ATP9B: variants seen among roughly 807,000 people sequenced by gnomAD.
ATP9B encodes ATPase phospholipid transporting 9B, also known as probable phospholipid-transporting ATPase IIB.
A neutral mutation model predicts 146.1 loss-of-function variants in ATP9B; 110 were observed. That is an observed-to-expected ratio of 0.75 (90% CI 0.65 to 0.88). ATP9B has a LOEUF of 0.88. Among genes scored for constraint, ATP9B ranks in the 40% least tolerant of loss-of-function variants. ATP9B has a pLI of 0.00. For synonymous variants in ATP9B, 604 were observed against 569.7 expected (o/e 1.06, Z -0.86); for missense variants, 1,499 against 1,496.4 (o/e 1.00, Z -0.03).
chr18:79,154,402 A>AT, intron 6 of ATP9B, 102 bp from the exon 7 acceptor site: 1 of 768,644 alleles, frequency 1.3e-6, no homozygotes, highest in Non-Finnish European at 2.1e-6. Flanking sequence ...TTTTAATTAT[A>AT]TTATCTTAGT....
At chr18:79,277,981 G>T (rs1568558763) in intron 13 of ATP9B, among the ~76,000 whole-genome samples, 1 of 152,156 alleles carries the variant, frequency 6.6e-6, no homozygotes, top group Non-Finnish European at 1.5e-5. Context: ...AGAGAAATCT[G>T]CAAACAAGAC....
chr18:79,190,949 T>C (rs2095360868), intron 8 of ATP9B, among the ~76,000 whole-genome samples: 1 of 152,206 alleles, frequency 6.6e-6, no homozygotes, highest in Non-Finnish European at 1.5e-5. Context: ...TACCATTCCT[T>C]CTTGAAGATA....
chr18:79,198,557 C>G (rs757313834), intron 9 of ATP9B, among the ~76,000 whole-genome samples: 2 of 149,930 alleles, frequency 1.3e-5, no homozygotes, highest in Non-Finnish European at 3.0e-5. Flanking sequence ...TGCACTTACA[C>G]AAACCTAGAT....
At chr18:79,115,142 C>G in intron 4 of ATP9B, 1 of 143,128 alleles carries the variant, frequency 7.0e-6, no homozygotes, top group South Asian at 2.4e-4. Context: ...AAACAGAGAG[C>G]CAAATCATGA....
intron 1 of ATP9B, among the ~76,000 whole-genome samples, chr18:79,093,002 G>A (rs535129775): frequency 1.3e-5 from 2 of 152,214 alleles, no homozygotes; most frequent in South Asian, 4.1e-4. Context: ...TTATATGAAT[G>A]ACTGGTAGCA....
chr18:79,300,754 C>A (rs1187353495), intron 13 of ATP9B, among the ~76,000 whole-genome samples: 2 of 152,226 alleles, frequency 1.3e-5, no homozygotes, highest in African/African-American at 4.8e-5. Flanking sequence ...TCTTTGCATA[C>A]TTGCACAGTC....
At chr18:79,213,859 A>G in intron 10 of ATP9B, 103 bp from the exon 11 acceptor site, 1 of 828,600 alleles carries the variant, frequency 1.2e-6, no homozygotes, top group Non-Finnish European at 1.8e-6. Context: ...ATATAAAATC[A>G]AATAGTGTGA....
intron 2 of ATP9B, among the ~76,000 whole-genome samples, chr18:79,107,353 A>G (rs472979): frequency 0.061 from 9,255 of 152,192 alleles, 364 homozygotes; most frequent in Non-Finnish European, 0.092. Context: ...GTTTTATTTA[A>G]TTTTAATTAA....
intron 11 of ATP9B, among the ~76,000 whole-genome samples, chr18:79,216,096 T>C (rs2095624903): frequency 6.6e-6 from 1 of 152,232 alleles, no homozygotes; most frequent in Non-Finnish European, 1.5e-5. Context: ...TAAATATGAA[T>C]TTAAAATCTT....
chr18:79,231,275 A>G (rs968554614), intron 11 of ATP9B, among the ~76,000 whole-genome samples: 5 of 152,354 alleles, frequency 3.3e-5, no homozygotes, highest in African/African-American at 1.2e-4. Context: ...TTCAGAATCT[A>G]CAAGGAACAC....
At chr18:79,304,989 G>T (rs2096612770) in intron 14 of ATP9B, among the ~76,000 whole-genome samples, 1 of 152,146 alleles carries the variant, frequency 6.6e-6, no homozygotes, top group Admixed American at 6.5e-5. Context: ...TGGGGGGTGT[G>T]ACAGTTCCCA....
Position 79,347,884 on chromosome 18 carries a change from C to G in ATP9B, c.2797C>G (p.Gln933Glu), listed in dbSNP as rs1228772255. The part of the protein sequence containing the change: ...NSYKRSAALG[Q>E]FVMHRGLIIS... ...CTACAAGAGGTCGGCGGCACTCGGC[C>G]AGTTCGTCATGCACAGGGGCCTTAT... The change falls in exon 24 of 30, where the codon CAG becomes GAG. Residue 933 changes from glutamine (Q) to glutamate (E), a missense_variant. Coordinates refer to ENST00000426216, the MANE Select transcript of ATP9B (RefSeq NM_198531.5). 3.1e-6 allele frequency: 5 copies of G among 1,613,860 alleles called. No individual in the cohort carries two copies. The highest frequency in any genetic ancestry group is 4.2e-6 in the Non-Finnish European group (5 of 1,179,904).
intron 11 of ATP9B, among the ~76,000 whole-genome samples, chr18:79,215,017 G>A (rs1051356428): frequency 4.0e-5 from 6 of 151,814 alleles, no homozygotes; most frequent in East Asian, 1.9e-4. Flanking sequence ...GCATGATGAC[G>A]GGTGCCTGTA....
chr18:79,191,719 A>G lies in ATP9B; in HGVS notation c.874-1464A>G, dbSNP rs144076126. ...TCCTACTTGCTTACTCGTTAGGAGC[A>G]TGTTTTTCTTTAAGATGTGCTAAAG... On this transcript the variant is annotated intron_variant, in intron 8 of 29. Transcript: ENST00000426216. 3.7e-3 allele frequency among the ~76,000 whole-genome samples: 557 copies of G among 152,244 alleles called. 3 individuals are homozygous for G. Among genetic ancestry groups the G allele is most frequent in the South Asian group, 0.024 (115 of 4,820 alleles).
chr18:79,218,482 C>T (rs993675935), intron 11 of ATP9B, among the ~76,000 whole-genome samples: 1 of 150,154 alleles, frequency 6.7e-6, no homozygotes, highest in Non-Finnish European at 1.5e-5. Flanking sequence ...ATATTTTCCT[C>T]GTGTTCCGTG....
intron 6 of ATP9B, chr18:79,144,254 C>G (rs528209712): frequency 6.4e-6 from 1 of 155,326 alleles, no homozygotes; most frequent in Admixed American, 6.5e-5. Context: ...CCAAGGATAC[C>G]AAAATCCACA....
At chr18:79,094,882 T>TA (rs1474066627) in intron 1 of ATP9B, among the ~76,000 whole-genome samples, 31 of 152,148 alleles carry the variant, frequency 2.0e-4, no homozygotes, top group Admixed American at 5.9e-4. Context: ...TGATCAGAAA[T>TA]ATGATTCCAT....
intron 26 of ATP9B, among the ~76,000 whole-genome samples, chr18:79,368,686 C>T (rs1299329451): frequency 6.6e-6 from 1 of 152,064 alleles, no homozygotes; most frequent in Non-Finnish European, 1.5e-5. Context: ...AATCAGTCAC[C>T]GTAATTTCAG....
intron 5 of ATP9B, among the ~76,000 whole-genome samples, chr18:79,140,705 T>G (rs71364799): frequency 0.022 from 3,375 of 152,084 alleles, 48 homozygotes; most frequent in Admixed American, 0.033. Flanking sequence ...ACTTGAACCC[T>G]GGAGGCGGAG....
Sources: allele counts gnomAD v4.1 joint callset (sites outside exome capture counted in the v4.1 genomes callset), GRCh38; gene constraint gnomAD v4.1.1; transcripts MANE v1.5; gene names NCBI Gene and HGNC (gene_info 2026-07-23, HGNC 2026-07-21).